The following CD28 variants were observed in gnomAD, a reference collection of about 807,000 sequenced individuals.
CD28 encodes the protein CD28 molecule, also known as T-cell-specific surface glycoprotein CD28.
CD28 carries 8 observed loss-of-function variants against 21.4 expected under a neutral mutation model. That is an observed-to-expected ratio of 0.37 (90% CI 0.22 to 0.68). The LOEUF (loss-of-function observed/expected upper bound fraction) is 0.68, where lower values mean the gene tolerates loss of function less well. Among genes scored for constraint, CD28 ranks in the 30% least tolerant of loss-of-function variants. The probability of loss-of-function intolerance (pLI) is 0.55; values close to 1 mark genes in which losing one functional copy is unlikely to be tolerated. For missense variants in CD28, 239 were observed against 272.2 expected (o/e 0.88, Z 0.86); for synonymous variants, 106 against 104.0 (o/e 1.02, Z -0.12).
Position 203,734,813 on chromosome 2 carries a change from C to T in CD28, c.564C>T (p.His188=), listed in dbSNP as rs188032362. The T allele has an allele frequency of 3.1e-6, 5 of 1,614,180 alleles. No homozygotes were observed. Among genetic ancestry groups the T allele is most frequent in the Non-Finnish European group, 4.2e-6 (5 of 1,180,018 alleles). Residue 188 remains histidine, a synonymous_variant, in exon 4 of 4, where the codon CAC becomes CAT. Transcript: ENST00000324106. ...WVRSKRSRLL[H]SDYMNMTPRR... is the part of the protein sequence containing the mutation. ...GGAGTAAGAGGAGCAGGCTCCTGCA[C>T]AGTGACTACATGAACATGACTCCCC...
chr2:203,721,704 C>T (rs1450173400), intron 1 of CD28, among the ~76,000 whole-genome samples: 1 of 152,120 alleles, frequency 6.6e-6, no homozygotes, highest in Non-Finnish European at 1.5e-5. Context: ...TCCCTGTTGC[C>T]CCCGGAAGTT....
At chr2:203,711,033 G>A (rs1693297614) in intron 1 of CD28, among the ~76,000 whole-genome samples, 1 of 152,142 alleles carries the variant, frequency 6.6e-6, no homozygotes, top group Admixed American at 6.6e-5. Context: ...ATGGCTCTCT[G>A]GTTAAGCTGT....
chr2:203,732,993 C>T (rs778925477), intron 3 of CD28, among the ~76,000 whole-genome samples: 8 of 152,220 alleles, frequency 5.3e-5, no homozygotes, highest in East Asian at 1.9e-4. Flanking sequence ...TTTGGGTGTC[C>T]GGAGGCAGAG....
At chr2:203,708,559 G>A (rs561058322) in intron 1 of CD28, among the ~76,000 whole-genome samples, 44 of 152,244 alleles carry the variant, frequency 2.9e-4, no homozygotes, top group African/African-American at 1.0e-3. Flanking sequence ...AAGAGTTTTT[G>A]GTAAGACTCA....
At chr2:203,728,449 A>G (rs1412120186) in intron 2 of CD28, among the ~76,000 whole-genome samples, 1 of 152,248 alleles carries the variant, frequency 6.6e-6, no homozygotes, top group Non-Finnish European at 1.5e-5. Flanking sequence ...TAAGAAACAC[A>G]TATGTTCAGT....
chr2:203,727,321 A>G (rs1693777026), intron 2 of CD28, among the ~76,000 whole-genome samples: 1 of 152,122 alleles, frequency 6.6e-6, no homozygotes, highest in Non-Finnish European at 1.5e-5. Flanking sequence ...CCCTCAAGTA[A>G]CAGCTGGGTC....
intron 1 of CD28, among the ~76,000 whole-genome samples, chr2:203,725,343 G>A (rs1693715589): frequency 6.6e-6 from 1 of 151,668 alleles, no homozygotes; most frequent in Non-Finnish European, 1.5e-5. Context: ...TTGCAAAGTT[G>A]ATTCCCAGTT....
At chr2:203,734,051 G>A (rs1391663021) in intron 3 of CD28, among the ~76,000 whole-genome samples, 1 of 152,188 alleles carries the variant, frequency 6.6e-6, no homozygotes, top group African/African-American at 2.4e-5. Flanking sequence ...AAATCTGATG[G>A]CTTTCTGTTT....
At chr2:203,716,333 G>C (rs1394146548) in intron 1 of CD28, among the ~76,000 whole-genome samples, 3 of 152,148 alleles carry the variant, frequency 2.0e-5, no homozygotes, top group Non-Finnish European at 2.9e-5. Flanking sequence ...TCGCGTGCCT[G>C]TCAATGACCC....
chr2:203,708,478 T>A (rs934466790), intron 1 of CD28, among the ~76,000 whole-genome samples: 1 of 152,258 alleles, frequency 6.6e-6, no homozygotes, highest in Admixed American at 6.5e-5. Flanking sequence ...AAATTGGTAA[T>A]TGTACACTAA....
chr2:203,712,680 G>T (rs181322027), intron 1 of CD28, among the ~76,000 whole-genome samples: 1 of 152,176 alleles, frequency 6.6e-6, no homozygotes, highest in Non-Finnish European at 1.5e-5. Context: ...AGAAATGAAT[G>T]AATTAGTAAC....
chr2:203,720,672 C>T (rs1285542038), intron 1 of CD28, among the ~76,000 whole-genome samples: 1 of 152,202 alleles, frequency 6.6e-6, no homozygotes, highest in Non-Finnish European at 1.5e-5. Flanking sequence ...TTCAGAAACT[C>T]AGAGACCGAA....
At chr2:203,723,723 T>C (rs541089788) in intron 1 of CD28, among the ~76,000 whole-genome samples, 1 of 152,198 alleles carries the variant, frequency 6.6e-6, no homozygotes, top group African/African-American at 2.4e-5. Context: ...ATGGCTATAA[T>C]AGAAAAGATG....
rs1299458818 is a variant in CD28 at position 203,738,171 on chromosome 2, A to C, written c.*3259A>C. On this transcript the variant is annotated 3_prime_UTR_variant, in exon 4 of 4. Coordinates refer to ENST00000324106, the MANE Select transcript of CD28 (RefSeq NM_006139.4). ...GTGAATGCTGAGAAGTTTGACAGAG[A>C]TCCAACTTCAGCCTTGACCCCATCA... 2 of 152,146 alleles carry C rather than the reference A, an allele frequency of 1.3e-5. No individual in the cohort carries two copies. The highest frequency in any genetic ancestry group is 6.5e-5 in the Admixed American group (1 of 15,274). The allele number at this position is 152,146 out of a possible 1,614,324, so 9.4% of individuals were successfully genotyped here. A position where few individuals can be genotyped will look rare whatever the true frequency, so the allele number is the denominator to read the frequency against.
chr2:203,726,551 A>G (rs1693753232), intron 1 of CD28, 82 bp from the exon 2 acceptor site: 1 of 922,356 alleles, frequency 1.1e-6, no homozygotes, highest in Non-Finnish European at 1.7e-6. Flanking sequence ...CTGTTCATTT[A>G]GTTAATTAAT....
chr2:203,729,926 C>G (rs1314257552), intron 3 of CD28, among the ~76,000 whole-genome samples, 154 bp downstream of exon 3: 1 of 152,096 alleles, frequency 6.6e-6, no homozygotes. Flanking sequence ...TTAGCTTGTT[C>G]AACTCTATCT....
chr2:203,726,465 AC>A (rs1693751543), intron 1 of CD28, among the ~76,000 whole-genome samples, 167 bp from the exon 2 acceptor site: 1 of 152,196 alleles, frequency 6.6e-6, no homozygotes, highest in African/African-American at 2.4e-5. Flanking sequence ...TGAAATGTTA[AC>A]TTTTGAACTC....
chr2:203,713,244 T>G (rs759945730), intron 1 of CD28, among the ~76,000 whole-genome samples: 2 of 152,174 alleles, frequency 1.3e-5, no homozygotes, highest in Non-Finnish European at 2.9e-5. Flanking sequence ...CATTTTGAAG[T>G]AATGGCCTGG....
chr2:203,707,304 A>G (rs1475661625), intron 1 of CD28, among the ~76,000 whole-genome samples: 1 of 152,028 alleles, frequency 6.6e-6, no homozygotes, highest in African/African-American at 2.4e-5. Context: ...CTTAGCTATT[A>G]TTTAAACTCT....
Sources: allele counts gnomAD v4.1 joint callset (sites outside exome capture counted in the v4.1 genomes callset), GRCh38; gene constraint gnomAD v4.1.1; transcripts MANE v1.5; gene names NCBI Gene and HGNC (gene_info 2026-07-23, HGNC 2026-07-21).